ZNF367: variants seen among roughly 807,000 people sequenced by gnomAD.
The protein encoded by ZNF367 is zinc finger protein 367.
In ZNF367, 11 loss-of-function variants were observed where a neutral mutation model predicts 31.8. The ratio of observed to expected loss-of-function variants is 0.35; its 90% CI spans 0.22 to 0.57. The LOEUF (loss-of-function observed/expected upper bound fraction) is 0.57, where lower values mean the gene tolerates loss of function less well. ZNF367 is among the 20% of genes least tolerant of loss of function. The pLI is 0.85. For synonymous variants in ZNF367, 199 were observed against 202.4 expected (o/e 0.98, Z 0.14); for missense variants, 353 against 484.1 (o/e 0.73, Z 2.54).
At chr9:96,402,016 G>A (rs908101824) in intron 1 of ZNF367, among the ~76,000 whole-genome samples, 2 of 150,644 alleles carry the variant, frequency 1.3e-5, no homozygotes, top group Non-Finnish European at 3.0e-5. Flanking sequence ...TCAGCACTTT[G>A]GGAGGCTGAG....
chr9:96,400,206 G>A (rs57246424), intron 1 of ZNF367, among the ~76,000 whole-genome samples: 1 of 151,846 alleles, frequency 6.6e-6, no homozygotes, highest in African/African-American at 2.4e-5. Context: ...CAAGAAGCCT[G>A]GGTAACATAG....
intron 4 of ZNF367, 48 bp from the exon 5 acceptor site, chr9:96,388,507 C>A: frequency 1.3e-6 from 2 of 1,523,230 alleles, no homozygotes; most frequent in Non-Finnish European, 1.8e-6. Flanking sequence ...ATGAAATTTC[C>A]AAATGTTTAC....
chr9:96,393,087 G>T (rs919614688), intron 3 of ZNF367, among the ~76,000 whole-genome samples: 2 of 151,954 alleles, frequency 1.3e-5, no homozygotes, highest in South Asian at 2.1e-4. Flanking sequence ...CCATCGCAGG[G>T]GTCGGGTGGA....
Position 96,388,018 on chromosome 9 carries a change from A to C in ZNF367, c.*219T>G. ...TTTTCTACCCTGTACTGTGCAGTCC[A>C]TATTTACAAAATATTTTAAACTTTA... On this transcript the variant is annotated 3_prime_UTR_variant, in exon 5 of 5. Transcript: ENST00000375256. 1.8e-6 allele frequency: 1 copy of C among 565,534 alleles called. No homozygotes were observed. Among genetic ancestry groups the C allele is most frequent in the Non-Finnish European group, 3.0e-6 (1 of 328,150 alleles). The allele number at this position is 565,534 out of a possible 1,614,324, so 35.0% of individuals were successfully genotyped here.
In ZNF367 at chr9:96,417,437, GC is replaced by G. The variant is rs72546575; in HGVS notation, c.420+175del. Among the ~76,000 whole-genome samples, 1 of 131,368 alleles carries G rather than the reference GC, an allele frequency of 7.6e-6. No homozygotes were observed. The highest frequency in any genetic ancestry group is 1.6e-5 in the Non-Finnish European group (1 of 64,040). 86.2% of individuals were successfully genotyped at this position (131,368 alleles called of 152,430 possible). A position where few individuals can be genotyped will look rare whatever the true frequency, so the allele number is the denominator to read the frequency against. Reference sequence around the variant, plus strand: ...GCCGCTCCCGCCTGTCACGTGACAGGCCCCCCCCGACTGGGGCCGGTTTTTG... The same window carrying G: ...GCCGCTCCCGCCTGTCACGTGACAGGCCCCCCCGACTGGGGCCGGTTTTTG... On this transcript the variant is annotated intron_variant, in intron 1 of 4. Transcript: ENST00000375256. This position sits in a 1 kb window ranked among gnomAD's most constrained non-coding sequence, Gnocchi z 5.0.
intron 1 of ZNF367, chr9:96,407,254 GC>G (rs1831682311): frequency 7.9e-7 from 1 of 1,263,190 alleles, no homozygotes; most frequent in African/African-American, 1.5e-5. Flanking sequence ...CACCCCAGGG[GC>G]TGCTCCTGGC....
chr9:96,400,911 A>G (rs1325954475), intron 1 of ZNF367, among the ~76,000 whole-genome samples: 1 of 152,244 alleles, frequency 6.6e-6, no homozygotes, highest in Non-Finnish European at 1.5e-5. Context: ...AATGACAAAA[A>G]GAATCTTGAA....
chr9:96,386,461 G>A lies in ZNF367; in HGVS notation c.*1776C>T, dbSNP rs1350455822. On this transcript the variant is annotated 3_prime_UTR_variant, in exon 5 of 5. Transcript: ENST00000375256. ...ATATTTGAGAGCAAAAATTCTAGAG[G>A]AAATGCTGAAACATAAACCAAGATA... 1 of 152,012 alleles carries A rather than the reference G, an allele frequency of 6.6e-6. No individual in the cohort carries two copies. Among genetic ancestry groups the A allele is most frequent in the Admixed American group, 6.5e-5 (1 of 15,268 alleles). The allele number at this position is 152,012 out of a possible 1,614,324, so 9.4% of individuals were successfully genotyped here.
At chr9:96,392,914 A>G (rs1159963117) in intron 3 of ZNF367, among the ~76,000 whole-genome samples, 2 of 152,116 alleles carry the variant, frequency 1.3e-5, no homozygotes, top group African/African-American at 4.8e-5. Flanking sequence ...GCAAAATGCC[A>G]TCTCTACTAA....
chr9:96,398,603 A>G (rs1176341289), intron 1 of ZNF367, among the ~76,000 whole-genome samples: 1 of 152,224 alleles, frequency 6.6e-6, no homozygotes, highest in Non-Finnish European at 1.5e-5. Flanking sequence ...CCATCCCTCC[A>G]CAGATGACTA....
chr9:96,388,672 G>A (rs1831433219), intron 4 of ZNF367, among the ~76,000 whole-genome samples: 1 of 152,184 alleles, frequency 6.6e-6, no homozygotes, highest in Non-Finnish European at 1.5e-5. Context: ...CAATAAACCT[G>A]GCAGTTCTAG....
chr9:96,390,863 A>G (rs970195248), intron 4 of ZNF367, among the ~76,000 whole-genome samples: 5 of 149,070 alleles, frequency 3.4e-5, no homozygotes, highest in Admixed American at 1.3e-4. Context: ...CAGTCTTGAC[A>G]ACAGAGTAAG....
intron 1 of ZNF367, among the ~76,000 whole-genome samples, chr9:96,404,275 A>G (rs1831643418): frequency 6.6e-6 from 1 of 151,890 alleles, no homozygotes; most frequent in African/African-American, 2.4e-5. Flanking sequence ...CCTGGCTAAC[A>G]CGATGAAACC....
chr9:96,415,479 A>ATTTTTTTTTT (rs56349404), intron 1 of ZNF367, among the ~76,000 whole-genome samples: 3 of 37,784 alleles, frequency 7.9e-5, no homozygotes, highest in Non-Finnish European at 1.4e-4. Flanking sequence ...TAGTTTCTTC[A>ATTTTTTTTTT]TTTTTTTTTT....
chr9:96,410,543 CAG>C (rs1212574435), intron 1 of ZNF367, among the ~76,000 whole-genome samples: 9 of 112,580 alleles, frequency 8.0e-5, no homozygotes, highest in Non-Finnish European at 1.2e-4. Context: ...GCCTGGGCAA[CAG>C]AGAGAGACTC....
intron 4 of ZNF367, among the ~76,000 whole-genome samples, chr9:96,389,302 G>GAAAAA (rs11438398): frequency 8.9e-6 from 1 of 112,148 alleles, no homozygotes; most frequent in African/African-American, 2.9e-5. Flanking sequence ...TCCGTTTCAA[G>GAAAAA]AAAAAAAAAA....
intron 1 of ZNF367, among the ~76,000 whole-genome samples, chr9:96,400,789 A>G (rs1455936993): frequency 6.6e-6 from 1 of 152,250 alleles, no homozygotes; most frequent in Non-Finnish European, 1.5e-5. Flanking sequence ...AGAAATAATG[A>G]CAGAAAACTT....
At chr9:96,395,011 A>C in intron 2 of ZNF367, 69 bp from the exon 3 acceptor site, 1 of 1,573,226 alleles carries the variant, frequency 6.4e-7, no homozygotes, top group Non-Finnish European at 8.7e-7. Context: ...ATGGGGAGAG[A>C]ATCAGCCTTT....
chr9:96,415,506 TTTTTTTTTTG>T (rs1831812268), intron 1 of ZNF367, among the ~76,000 whole-genome samples: 2 of 117,138 alleles, frequency 1.7e-5, no homozygotes, highest in African/African-American at 7.0e-5. Context: ...TTTTTTTTTT[TTTTTTTTTTG>T]AGACGGAGTC....
Sources: gnomAD v4.1 joint callset for allele counts (sites outside exome capture counted in the v4.1 genomes callset) on GRCh38, gnomAD v4.1.1 for gene constraint, Gnocchi (gnomAD v3.1) non-coding constraint, MANE v1.5 for transcripts, NCBI Gene and HGNC (gene_info 2026-07-23, HGNC 2026-07-21) for gene names.